FHOD3: variants seen among roughly 807,000 people sequenced by gnomAD.
The protein encoded by FHOD3 is formin homology 2 domain containing 3.
Under a neutral mutation model 173.0 loss-of-function variants are expected in FHOD3, and 90 were observed. That is an observed-to-expected ratio of 0.52 (90% CI 0.44 to 0.62). The LOEUF is 0.62. FHOD3 is among the 20% of genes least tolerant of loss of function. The pLI, the probability that FHOD3 is intolerant of heterozygous loss-of-function variation, is 0.00. For synonymous variants in FHOD3, 828 were observed against 823.0 expected (o/e 1.01, Z -0.10); for missense variants, 1,945 against 2,034.7 (o/e 0.96, Z 0.85).
chr18:36,351,906 C>CT (rs1568159282), intron 1 of FHOD3, among the ~76,000 whole-genome samples: 1 of 152,226 alleles, frequency 6.6e-6, no homozygotes, highest in Non-Finnish European at 1.5e-5. Flanking sequence ...TCCTTCCAGT[C>CT]TAAGAAGAGC....
chr18:36,392,233 C>T (rs1304195948), intron 3 of FHOD3, among the ~76,000 whole-genome samples: 1 of 152,168 alleles, frequency 6.6e-6, no homozygotes. Flanking sequence ...CCAGAACCCC[C>T]ACCCAGCACA....
At chr18:36,462,000 A>G (rs539521666) in intron 3 of FHOD3, among the ~76,000 whole-genome samples, 3 of 152,362 alleles carry the variant, frequency 2.0e-5, no homozygotes, top group Non-Finnish European at 4.4e-5. Context: ...GTCTAAGAAC[A>G]TAGTATCCAC....
rs140023002 is a variant in FHOD3 at position 36,326,697 on chromosome 18, G to A, written c.165+28697G>A. Among the ~76,000 whole-genome samples the A allele has an allele frequency of 9.6e-3, 1,460 of 152,274 alleles. 15 individuals are homozygous for A. Among genetic ancestry groups the A allele is most frequent in the African/African-American group, 0.033 (1,378 of 41,552 alleles). ...GCCTAGGAGTTTGAGGCTACAGTGA[G>A]CTATGATCGCACCACTGCACTTCAG... On this transcript the variant is annotated intron_variant, in intron 1 of 28. Coordinates refer to ENST00000590592, the MANE Select transcript of FHOD3 (RefSeq NM_001281740.3).
intron 8 of FHOD3, among the ~76,000 whole-genome samples, chr18:36,603,445 A>G (rs879663984): frequency 4.6e-5 from 7 of 151,950 alleles, no homozygotes; most frequent in Admixed American, 3.9e-4. Context: ...AGTGACAGTG[A>G]GAATTTTATG....
At chr18:36,626,846 A>G (rs1209945998) in intron 10 of FHOD3, among the ~76,000 whole-genome samples, 2 of 152,174 alleles carry the variant, frequency 1.3e-5, no homozygotes, top group Non-Finnish European at 2.9e-5. Flanking sequence ...CACCAGCACC[A>G]AGAGGTGCCC....
Position 36,518,537 on chromosome 18 carries a change from A to G in FHOD3, c.511+5994A>G, listed in dbSNP as rs2056109393. 2.0e-5 allele frequency among the ~76,000 whole-genome samples: 3 copies of G among 152,180 alleles called. No individual in the cohort carries two copies. The South Asian group carries it at 6.2e-4, about 32-fold the overall frequency. On this transcript the variant is annotated intron_variant, in intron 5 of 28. Transcript: ENST00000590592. ...TGGTACAACAGGACTATTTCCAATA[A>G]AAAATCACTGCAGCGTAAGCAGACT...
rs550542462 is a variant in FHOD3 at position 36,662,962 on chromosome 18, A to G, written c.1835+4774A>G. ...GAGGGTCATTGAGTTGTTTTTTCTC[A>G]TTGTATTATTGAAGTTCTTTATAAA... On this transcript the variant is annotated intron_variant, in intron 14 of 28. Transcript: ENST00000590592. Among the ~76,000 whole-genome samples the G allele has an allele frequency of 2.6e-5, 4 of 151,960 alleles. No individual in the cohort carries two copies. In the South Asian group the frequency reaches 8.3e-4, roughly 31 times the overall value.
intron 3 of FHOD3, among the ~76,000 whole-genome samples, chr18:36,405,498 A>C (rs1799085409): frequency 6.6e-6 from 1 of 152,222 alleles, no homozygotes; most frequent in Non-Finnish European, 1.5e-5. Flanking sequence ...TGCAGGATGC[A>C]ATTTAAATTT....
At chr18:36,670,540 A>G (rs2149312588) in intron 14 of FHOD3, among the ~76,000 whole-genome samples, 1 of 152,182 alleles carries the variant, frequency 6.6e-6, no homozygotes, top group East Asian at 1.9e-4. Context: ...CTCTTTCTTA[A>G]TACCTTTCAT....
Position 36,748,382 on chromosome 18 carries a change from A to ACACAC in FHOD3, c.4232+1247_4232+1248insCACAC, listed in dbSNP as rs1555836081. Among the ~76,000 whole-genome samples, 658 of 143,556 alleles carry ACACAC rather than the reference A, an allele frequency of 4.6e-3. 2 individuals are homozygous for ACACAC. Among genetic ancestry groups the ACACAC allele is most frequent in the African/African-American group, 0.016 (617 of 38,606 alleles). The allele number at this position is 143,556 out of a possible 152,430, so 94.2% of individuals were successfully genotyped here. ...CGCACGCGCACACACACACACACAC[A>ACACAC]ACACACACACACACACACACACACA... On this transcript the variant is annotated intron_variant, in intron 24 of 28. Coordinates refer to ENST00000590592, the MANE Select transcript of FHOD3 (RefSeq NM_001281740.3).
At chr18:36,602,339 A>C (rs1401630731) in intron 7 of FHOD3, among the ~76,000 whole-genome samples, 2 of 152,202 alleles carry the variant, frequency 1.3e-5, no homozygotes, top group South Asian at 4.1e-4. Context: ...AGAGTTTTCT[A>C]ATCTGTAGGC....
At chr18:36,593,851 T>G (rs559818077) in intron 6 of FHOD3, among the ~76,000 whole-genome samples, 26 of 152,302 alleles carry the variant, frequency 1.7e-4, no homozygotes, top group South Asian at 8.3e-4. Context: ...ATGGGGCCAC[T>G]GACAAGCCAG....
chr18:36,520,316 G>A (rs192543600), intron 5 of FHOD3, among the ~76,000 whole-genome samples: 201 of 152,218 alleles, frequency 1.3e-3, no homozygotes, highest in African/African-American at 4.6e-3. Context: ...GTTGAATATA[G>A]CAAGCATTCA....
chr18:36,451,072 A>G (rs1192274462), intron 3 of FHOD3, among the ~76,000 whole-genome samples: 1 of 152,164 alleles, frequency 6.6e-6, no homozygotes, highest in Admixed American at 6.6e-5. Context: ...ACACATTTAC[A>G]TTGTTAATAT....
chr18:36,589,251 A>G (rs1202684503), intron 6 of FHOD3, among the ~76,000 whole-genome samples: 1 of 152,230 alleles, frequency 6.6e-6, no homozygotes, highest in African/African-American at 2.4e-5. Context: ...ATTTAGCTGC[A>G]TGCTTTAGAA....
chr18:36,589,040 C>T (rs1037742543), intron 6 of FHOD3, among the ~76,000 whole-genome samples: 3 of 152,162 alleles, frequency 2.0e-5, no homozygotes, highest in Non-Finnish European at 4.4e-5. Context: ...CAAGAGGAAT[C>T]TCTGGTCCTC....
Position 36,721,947 on chromosome 18 carries a change from G to A in FHOD3, c.3417+3232G>A, listed in dbSNP as rs570085585. 3.7e-4 allele frequency among the ~76,000 whole-genome samples: 57 copies of A among 152,280 alleles called. 1 individual carries two copies. Among genetic ancestry groups the A allele is most frequent in the African/African-American group, 1.2e-3 (51 of 41,570 alleles). On this transcript the variant is annotated intron_variant, in intron 19 of 28. Coordinates refer to ENST00000590592, the MANE Select transcript of FHOD3 (RefSeq NM_001281740.3). ...CATTAGACCAGAGTTATTGGGCATG[G>A]CTGTGACTAAGCCACCCAAAAACAA...
chr18:36,506,750 T>C (rs1292132665), intron 4 of FHOD3, among the ~76,000 whole-genome samples: 1 of 152,190 alleles, frequency 6.6e-6, no homozygotes, highest in African/African-American at 2.4e-5. Flanking sequence ...CTTATTGAAG[T>C]GTAGATCAGT....
intron 14 of FHOD3, among the ~76,000 whole-genome samples, chr18:36,678,546 A>G (rs1469787878): frequency 2.9e-4 from 42 of 145,596 alleles, no homozygotes; most frequent in East Asian, 1.8e-3. Context: ...AAAAAAAAAA[A>G]AAGAAGAAAG....
Sources: allele counts gnomAD v4.1 joint callset (sites outside exome capture counted in the v4.1 genomes callset), GRCh38; gene constraint gnomAD v4.1.1; transcripts MANE v1.5; gene names NCBI Gene and HGNC (gene_info 2026-07-23, HGNC 2026-07-21).